Variants in AOAH observed in about 807,000 individuals in gnomAD.
The protein encoded by AOAH is acyloxyacyl hydrolase (neutrophil).
In AOAH, 64 loss-of-function variants were observed where a neutral mutation model predicts 92.2. That is an observed-to-expected ratio of 0.69 (90% CI 0.57 to 0.86). AOAH has a LOEUF of 0.86. Among genes scored for constraint, AOAH ranks in the 40% least tolerant of loss-of-function variants. AOAH has a pLI of 0.00. For missense variants in AOAH, 656 were observed against 694.6 expected (o/e 0.94, Z 0.62); for synonymous variants, 263 against 254.5 (o/e 1.03, Z -0.32).
At chr7:36,708,236 C>T (rs1798553594) in intron 1 of AOAH, among the ~76,000 whole-genome samples, 5 of 152,058 alleles carry the variant, frequency 3.3e-5, no homozygotes, top group Admixed American at 2.0e-4. Context: ...TTTCTTCAAG[C>T]TTTATTTTCT....
intron 13 of AOAH, among the ~76,000 whole-genome samples, chr7:36,557,960 C>T (rs1302152867): frequency 2.6e-5 from 4 of 152,222 alleles, no homozygotes; most frequent in Admixed American, 6.5e-5. Context: ...GTAGTTTGAT[C>T]GTCTGAAGCC....
At chr7:36,719,344 T>C (rs1799469163) in intron 1 of AOAH, among the ~76,000 whole-genome samples, 3 of 152,144 alleles carry the variant, frequency 2.0e-5, no homozygotes, top group Non-Finnish European at 2.9e-5. Flanking sequence ...AGAGAAAAGA[T>C]GGAAGGTACA....
At chr7:36,624,062 C>CCT in intron 6 of AOAH, among the ~76,000 whole-genome samples, 1 of 152,340 alleles carries the variant, frequency 6.6e-6, no homozygotes, top group East Asian at 1.9e-4. Flanking sequence ...TTACATAGGG[C>CCT]ATACCCCAAG....
At chr7:36,697,620 C>G (rs1015067968) in intron 1 of AOAH, among the ~76,000 whole-genome samples, 1 of 152,108 alleles carries the variant, frequency 6.6e-6, no homozygotes, top group South Asian at 2.1e-4. Flanking sequence ...CTTTAAGTAC[C>G]TTACAGAGTT....
rs573182416 is a variant in AOAH at position 36,515,924 on chromosome 7, T to G, written c.1600-2544A>C. Among the ~76,000 whole-genome samples the G allele has an allele frequency of 1.9e-3, 167 of 87,312 alleles. 2 individuals are homozygous for G. Among genetic ancestry groups the G allele is most frequent in the Non-Finnish European group, 3.5e-4 (16 of 45,144 alleles). The allele number at this position is 87,312 out of a possible 152,430, so 57.3% of individuals were successfully genotyped here. A position where few individuals can be genotyped will look rare whatever the true frequency, so the allele number is the denominator to read the frequency against. Reference sequence around the variant, plus strand: ...CCCTCACAACCCCACACCACACACATACATCACACACACCCCCACATCCCA... The same window carrying G: ...CCCTCACAACCCCACACCACACACAGACATCACACACACCCCCACATCCCA... On this transcript the variant is annotated intron_variant, in intron 20 of 20. Coordinates refer to ENST00000617537, the MANE Select transcript of AOAH (RefSeq NM_001637.4).
At chr7:36,541,845 G>A (rs995908781) in intron 15 of AOAH, among the ~76,000 whole-genome samples, 23 of 152,132 alleles carry the variant, frequency 1.5e-4, no homozygotes, top group Non-Finnish European at 3.2e-4. Flanking sequence ...ATTTGGATTC[G>A]GATCCTAACC....
intron 11 of AOAH, among the ~76,000 whole-genome samples, chr7:36,603,152 C>A (rs940548312): frequency 7.2e-5 from 11 of 152,106 alleles, no homozygotes; most frequent in African/African-American, 2.4e-4. Context: ...GAATAAGTGC[C>A]CTACCTGACT....
intron 2 of AOAH, among the ~76,000 whole-genome samples, chr7:36,685,766 T>G (rs1393798546): frequency 6.6e-6 from 1 of 152,194 alleles, no homozygotes; most frequent in Non-Finnish European, 1.5e-5. Context: ...GTGAATATTT[T>G]AAAATCTTAA....
At chr7:36,723,881 C>T in intron 1 of AOAH, 141 bp downstream of exon 1, 1 of 853,528 alleles carries the variant, frequency 1.2e-6, no homozygotes. Context: ...CCACATTTCT[C>T]TGTGTCAGTG....
chr7:36,665,359 G>A (rs963264886), intron 3 of AOAH, among the ~76,000 whole-genome samples: 2 of 151,978 alleles, frequency 1.3e-5, no homozygotes, highest in African/African-American at 2.4e-5. Context: ...TGATATATAG[G>A]AAAGTGGTTC....
At chr7:36,649,472 G>A (rs1366965321) in intron 4 of AOAH, among the ~76,000 whole-genome samples, 4 of 152,150 alleles carry the variant, frequency 2.6e-5, no homozygotes, top group Admixed American at 6.5e-5. Context: ...TAAACATGGC[G>A]CTTGCAACTT....
intron 3 of AOAH, among the ~76,000 whole-genome samples, chr7:36,663,995 T>C (rs1374040934): frequency 2.0e-5 from 3 of 152,188 alleles, no homozygotes; most frequent in Non-Finnish European, 2.9e-5. Context: ...TTATTTGTTA[T>C]CTGTATGTCT....
rs934153085 is a variant in AOAH, at chr7:36,610,533, A to G, written c.846+5847T>C. 2.1e-4 allele frequency among the ~76,000 whole-genome samples: 32 copies of G among 151,866 alleles called. 1 individual carries two copies. The highest frequency in any genetic ancestry group is 7.7e-4 in the African/African-American group (32 of 41,370). On this transcript the variant is annotated intron_variant, in intron 11 of 20. Transcript: ENST00000617537. ...TTTTAAAAAAAAAGAATATTAAAGA[A>G]TATTTCAAAACAAGCCTGATACTCC...
intron 4 of AOAH, among the ~76,000 whole-genome samples, chr7:36,647,928 T>TCAAACTATTCTCCTGTCTC (rs1349522230): frequency 1.3e-5 from 2 of 152,004 alleles, no homozygotes; most frequent in African/African-American, 4.8e-5. Flanking sequence ...CCTCCTGGGT[T>TCAAACTATTCTCCTGTCTC]CAAACTATTC....
chr7:36,694,327 T>A (rs1171702193), intron 1 of AOAH, among the ~76,000 whole-genome samples: 1 of 151,842 alleles, frequency 6.6e-6, no homozygotes, highest in African/African-American at 2.4e-5. Flanking sequence ...CAAAATCCTG[T>A]CCCTGTTAAA....
At chr7:36,514,036 A>G (rs1790195193) in intron 20 of AOAH, among the ~76,000 whole-genome samples, 1 of 152,182 alleles carries the variant, frequency 6.6e-6, no homozygotes, top group Non-Finnish European at 1.5e-5. Flanking sequence ...TGGGTTTTAG[A>G]GATGAACGTG....
intron 6 of AOAH, among the ~76,000 whole-genome samples, chr7:36,630,608 A>G (rs1242745430): frequency 6.6e-6 from 1 of 152,182 alleles, no homozygotes; most frequent in Non-Finnish European, 1.5e-5. Context: ...AGGAAAACAC[A>G]GCACTCCCCC....
intron 19 of AOAH, among the ~76,000 whole-genome samples, chr7:36,528,323 T>A (rs932197175): frequency 1.3e-5 from 2 of 152,214 alleles, no homozygotes; most frequent in African/African-American, 4.8e-5. Flanking sequence ...TTAATTCAAC[T>A]TTTTGCTTTT....
intron 11 of AOAH, among the ~76,000 whole-genome samples, chr7:36,603,782 T>A (rs956929529): frequency 2.6e-5 from 4 of 152,226 alleles, no homozygotes; most frequent in African/African-American, 9.6e-5. Flanking sequence ...CTGGGCTCCA[T>A]GTTTAACCTT....
Sources: allele counts gnomAD v4.1 joint callset (sites outside exome capture counted in the v4.1 genomes callset), GRCh38; gene constraint gnomAD v4.1.1; transcripts MANE v1.5; gene names NCBI Gene and HGNC (gene_info 2026-07-23, HGNC 2026-07-21).